The following YPEL2 variants were observed in gnomAD, a reference collection of about 807,000 sequenced individuals.
YPEL2 encodes yippee like 2.
In YPEL2, 2 loss-of-function variants were observed where a neutral mutation model predicts 19.1. That is an observed-to-expected ratio of 0.10 (90% CI 0.04 to 0.33). YPEL2 has a LOEUF of 0.33. Ranked by LOEUF, YPEL2 falls within the 10% of genes least tolerant of loss-of-function variation. YPEL2 has a pLI of 1.00. For synonymous variants in YPEL2, 52 were observed against 50.0 expected (o/e 1.04, Z -0.17); for missense variants, 66 against 140.7 (o/e 0.47, Z 2.68).
intron 1 of YPEL2, among the ~76,000 whole-genome samples, chr17:59,346,941 G>A (rs2047759337): frequency 6.6e-6 from 1 of 152,138 alleles, no homozygotes; most frequent in Admixed American, 6.5e-5. Context: ...ACAAGGAGTG[G>A]TACAAGTTGC....
intron 1 of YPEL2, among the ~76,000 whole-genome samples, chr17:59,340,095 C>G (rs1280475344): frequency 6.6e-6 from 1 of 151,472 alleles, no homozygotes; most frequent in Non-Finnish European, 1.5e-5. Flanking sequence ...TGAGAAACAA[C>G]TAATTTTGTG....
At chr17:59,340,182 A>T (rs567507951) in intron 1 of YPEL2, among the ~76,000 whole-genome samples, 2 of 150,412 alleles carry the variant, frequency 1.3e-5, no homozygotes, top group East Asian at 2.0e-4. Context: ...ATCTCAGCTC[A>T]CTGCAATCTC....
At chr17:59,391,170 C>G (rs2048005413) in intron 4 of YPEL2, among the ~76,000 whole-genome samples, 1 of 152,134 alleles carries the variant, frequency 6.6e-6, no homozygotes, top group Non-Finnish European at 1.5e-5. Context: ...CTCAAATTCC[C>G]TGTCCTGTCA....
chr17:59,397,937 C>T lies in YPEL2; in HGVS notation c.*747C>T, dbSNP rs1429868907. On this transcript the variant is annotated 3_prime_UTR_variant, in exon 5 of 5. Transcript: ENST00000312655. Reference sequence around the variant, plus strand: ...CACTCAGTCTCTGGGCAATCATCATCTTTGCCTCTAGCCACCGTAGATAAG... The same window carrying T: ...CACTCAGTCTCTGGGCAATCATCATTTTTGCCTCTAGCCACCGTAGATAAG... 6.6e-6 allele frequency: 1 copy of T among 152,234 alleles called. No individual in the cohort carries two copies. Among genetic ancestry groups the T allele is most frequent in the Non-Finnish European group, 1.5e-5 (1 of 68,104 alleles). The allele number at this position is 152,234 out of a possible 1,614,324, so 9.4% of individuals were successfully genotyped here.
At chr17:59,388,213 TC>T in intron 2 of YPEL2, 113 bp from the exon 3 acceptor site, 1 of 989,490 alleles carries the variant, frequency 1.0e-6, no homozygotes, top group South Asian at 1.3e-5. Context: ...GGCTCAGTAC[TC>T]CCTTTTGCTG....
At chr17:59,394,796 A>G (rs905091071) in intron 4 of YPEL2, among the ~76,000 whole-genome samples, 5 of 152,208 alleles carry the variant, frequency 3.3e-5, no homozygotes, top group African/African-American at 4.8e-5. Flanking sequence ...CAGCCTGGGC[A>G]CCATTGAGCA....
intron 4 of YPEL2, among the ~76,000 whole-genome samples, chr17:59,391,832 G>A (rs527917065): frequency 2.0e-5 from 3 of 152,158 alleles, no homozygotes; most frequent in African/African-American, 2.4e-5. Flanking sequence ...CCCAGGAGGC[G>A]GAGGTTGCAG....
chr17:59,369,495 G>A (rs985526569), intron 2 of YPEL2, among the ~76,000 whole-genome samples: 6 of 152,210 alleles, frequency 3.9e-5, no homozygotes, highest in African/African-American at 1.2e-4. Context: ...AAGATTTAAG[G>A]AGACACTCAC....
chr17:59,338,803 C>T (rs377505190), intron 1 of YPEL2, among the ~76,000 whole-genome samples: 1 of 152,154 alleles, frequency 6.6e-6, no homozygotes, highest in Admixed American at 6.5e-5. Context: ...TAGGGATTCT[C>T]GAAGCTGGCT....
intron 4 of YPEL2, among the ~76,000 whole-genome samples, chr17:59,391,148 C>T (rs1032373989): frequency 6.6e-6 from 1 of 152,086 alleles, no homozygotes; most frequent in African/African-American, 2.4e-5. Flanking sequence ...CAATTTAGTC[C>T]ATGTAAAATG....
In YPEL2 at chr17:59,397,181, C is replaced by T; in HGVS notation, c.351C>T (p.Gly117=). 6.2e-7 allele frequency: 1 copy of T among 1,608,726 alleles called. No homozygotes were observed. Among genetic ancestry groups the T allele is most frequent in the Non-Finnish European group, 8.5e-7 (1 of 1,177,630 alleles). ...IELAHMIKDN[G]WD ...TAGCACACATGATCAAGGACAATGG[C>T]TGGGACTGATTGGACAGCATCTACC... Residue 117 remains glycine (G), a synonymous_variant, in exon 5 of 5, where the codon GGC becomes GGT. Transcript: ENST00000312655.
intron 2 of YPEL2, among the ~76,000 whole-genome samples, chr17:59,384,253 A>C (rs1469513520): frequency 6.6e-6 from 1 of 152,208 alleles, no homozygotes; most frequent in Non-Finnish European, 1.5e-5. Flanking sequence ...GGTCACAAAG[A>C]CTTTCTTCTG....
chr17:59,369,412 C>T (rs1379891738), intron 2 of YPEL2, among the ~76,000 whole-genome samples: 1 of 152,172 alleles, frequency 6.6e-6, no homozygotes, highest in Non-Finnish European at 1.5e-5. Context: ...CTCACAGATT[C>T]CTTTTCTGAG....
intron 2 of YPEL2, among the ~76,000 whole-genome samples, chr17:59,371,140 C>G (rs922431489): frequency 1.1e-4 from 17 of 152,144 alleles, no homozygotes; most frequent in Admixed American, 2.0e-4. Context: ...CCCCAAATAC[C>G]CAGTCTCCTG....
chr17:59,350,312 C>T (rs1407572299), intron 1 of YPEL2, among the ~76,000 whole-genome samples: 1 of 152,120 alleles, frequency 6.6e-6, no homozygotes, highest in Non-Finnish European at 1.5e-5. Flanking sequence ...TCAAGCAATC[C>T]TCCTGTTTCA....
chr17:59,385,101 A>G (rs2047973405), intron 2 of YPEL2, among the ~76,000 whole-genome samples: 1 of 152,206 alleles, frequency 6.6e-6, no homozygotes, highest in South Asian at 2.1e-4. Flanking sequence ...CTCTTATTAA[A>G]ACCAAACCAA....
rs527943181 is a variant in YPEL2 at position 59,378,698 on chromosome 17, T to C, written c.118-9629T>C. ...AGGCCCCCTCACCACCTTTTGTTTTTGTAGTTCCAAGCATCGTGAATGTTC... is the reference window on the plus strand; with the variant it reads ...AGGCCCCCTCACCACCTTTTGTTTTCGTAGTTCCAAGCATCGTGAATGTTC... On this transcript the variant is annotated intron_variant, in intron 2 of 4. Transcript: ENST00000312655. Among the ~76,000 whole-genome samples, 3 of 152,326 alleles carry C rather than the reference T, an allele frequency of 2.0e-5. No homozygotes were observed. The South Asian group carries it at 6.2e-4, about 32-fold the overall frequency.
chr17:59,341,187 C>A (rs1341710092), intron 1 of YPEL2, among the ~76,000 whole-genome samples: 1 of 150,602 alleles, frequency 6.6e-6, no homozygotes, highest in Non-Finnish European at 1.5e-5. Flanking sequence ...CCGAGGTGGG[C>A]GGAGACCATC....
intron 4 of YPEL2, among the ~76,000 whole-genome samples, chr17:59,396,035 T>G (rs9889979): frequency 7.9e-5 from 12 of 151,804 alleles, no homozygotes; most frequent in Non-Finnish European, 1.6e-4. Context: ...GAGCCGAGAT[T>G]GCACCACTGC....
Sources: allele counts gnomAD v4.1 joint callset (sites outside exome capture counted in the v4.1 genomes callset), GRCh38; gene constraint gnomAD v4.1.1; transcripts MANE v1.5; gene names NCBI Gene and HGNC (gene_info 2026-07-23, HGNC 2026-07-21).